Variants in FGF20 observed in about 807,000 individuals in gnomAD.
The protein encoded by FGF20 is fibroblast growth factor 20.
Under a neutral mutation model 16.7 loss-of-function variants are expected in FGF20, and 8 were observed. The observed-to-expected ratio is 0.48, with a 90% CI of 0.28 to 0.87. The LOEUF (loss-of-function observed/expected upper bound fraction) is 0.87, where lower values mean the gene tolerates loss of function less well. Ranked by LOEUF, FGF20 falls within the 40% of genes least tolerant of loss-of-function variation. The pLI is 0.10. For synonymous variants in FGF20, 161 were observed against 118.6 expected, an observed-to-expected ratio of 1.36 and a Z score of -2.32; for missense variants, 397 against 281.4, an observed-to-expected ratio of 1.41 and a Z score of -2.94.
In FGF20 at chr8:17,002,240, G is replaced by T; in HGVS notation, c.-208C>A. 1 of 488,924 alleles carries T rather than the reference G, an allele frequency of 2.0e-6. No individual in the cohort carries two copies. Among genetic ancestry groups the T allele is most frequent in the Non-Finnish European group, 3.4e-6 (1 of 290,250 alleles). The allele number at this position is 488,924 out of a possible 1,614,324, so 30.3% of individuals were successfully genotyped here. On this transcript the variant is annotated 5_prime_UTR_variant, in exon 1 of 3. Transcript: ENST00000180166. Reference sequence around the variant, plus strand: ...GCGATCTTCTCTCCTTGGGTAGGTGGGAGCCGGCTGCTGGCTCTGCAGAAA... The same window carrying T: ...GCGATCTTCTCTCCTTGGGTAGGTGTGAGCCGGCTGCTGGCTCTGCAGAAA...
intron 1 of FGF20, among the ~76,000 whole-genome samples, chr8:16,997,180 C>T (rs1810074728): frequency 6.6e-6 from 1 of 152,164 alleles, no homozygotes; most frequent in South Asian, 2.1e-4. Context: ...TAACACCTCC[C>T]TCTGGATCAC....
Position 17,002,050 on chromosome 8 carries a change from A to G in FGF20, c.-18T>C. The G allele has an allele frequency of 6.5e-7, 1 of 1,526,880 alleles. No homozygotes were observed. Among genetic ancestry groups the G allele is most frequent in the South Asian group, 1.2e-5 (1 of 81,444 alleles). The allele number at this position is 1,526,880 out of a possible 1,614,324, so 94.6% of individuals were successfully genotyped here. On this transcript the variant is annotated 5_prime_UTR_variant, in exon 1 of 3. Transcript: ENST00000180166. ...GGAGCCATGGAGGGGGAGATCCGGA[A>G]CACAAAAGACCCCCCCAGTAAAGAG... is the stretch of plus-strand genomic sequence containing the variant.
At chr8:16,993,711 T>A (rs1809974420) in intron 2 of FGF20, among the ~76,000 whole-genome samples, 1 of 152,162 alleles carries the variant, frequency 6.6e-6, no homozygotes, top group Non-Finnish European at 1.5e-5. Context: ...ATAGAATCAG[T>A]GGGAGCCCTG....
At chr8:16,998,625 C>G (rs1234524469) in intron 1 of FGF20, among the ~76,000 whole-genome samples, 1 of 152,112 alleles carries the variant, frequency 6.6e-6, no homozygotes, top group Non-Finnish European at 1.5e-5. Context: ...GTATCACCTT[C>G]AAAGCCAGTC....
In FGF20 at chr8:16,995,740, C is replaced by G; in HGVS notation, c.305G>C (p.Ser102Thr). 6.3e-7 allele frequency: 1 copy of G among 1,598,528 alleles called. No individual in the cohort carries two copies. Among genetic ancestry groups the G allele is most frequent in the Non-Finnish European group, 8.6e-7 (1 of 1,168,602 alleles). The change falls in exon 2 of 3, where the codon AGT becomes ACT. Residue 102 changes from serine to threonine, a missense_variant. Ser to Thr is a moderately conservative substitution (Grantham distance 58). Transcript: ENST00000180166. ...AATACTGACCAGTCCCACTGCCACACTGATGAATTCCAAGATACCTGCATA... is the reference window on the plus strand; with the variant it reads ...AATACTGACCAGTCCCACTGCCACAGTGATGAATTCCAAGATACCTGCATA... ...HSLFGILEFI[S>T]VAVGLVSIRG...
chr8:16,995,301 C>G (rs17550199), intron 2 of FGF20, among the ~76,000 whole-genome samples: 1 of 152,026 alleles, frequency 6.6e-6, no homozygotes, highest in South Asian at 2.1e-4. Flanking sequence ...GAAAGTTTAC[C>G]TTAAATAAAC....
At position 17,000,420 on chromosome 8, in the gene FGF20, C is replaced by G. The variant is rs146779522; in HGVS notation, c.286+1327G>C. ...CACTTCTCCAAAGTTTTAATGAGTC[C>G]TACAAGTCAAAAAGGGAATAATTAT... On this transcript the variant is annotated intron_variant, in intron 1 of 2. Coordinates refer to ENST00000180166, the MANE Select transcript of FGF20 (RefSeq NM_019851.3). Among the ~76,000 whole-genome samples, 190 of 152,042 alleles carry G rather than the reference C, an allele frequency of 1.2e-3. 1 individual carries two copies. Among genetic ancestry groups the G allele is most frequent in the African/African-American group, 4.4e-3 (181 of 41,488 alleles).
At position 17,002,113 on chromosome 8, in the gene FGF20, T is replaced by C; in HGVS notation, c.-81A>G. On this transcript the variant is annotated 5_prime_UTR_variant, in exon 1 of 3. The change creates a new upstream start codon in the 5' untranslated region. Transcript: ENST00000180166. ...GGGATGGAGGTGGATAGAGAAAAAT[T>C]ATAGCAAAACGAGCGCAAAAAGTTA... 7.1e-7 allele frequency: 1 copy of C among 1,400,766 alleles called. No homozygotes were observed. Among genetic ancestry groups the C allele is most frequent in the African/African-American group, 1.5e-5 (1 of 65,280 alleles). The allele number at this position is 1,400,766 out of a possible 1,614,324, so 86.8% of individuals were successfully genotyped here. A position where few individuals can be genotyped will look rare whatever the true frequency, so the allele number is the denominator to read the frequency against.
Position 16,993,159 on chromosome 8 carries a change from C to A in FGF20, c.549G>T (p.Arg183Ser), listed in dbSNP as rs767173525. ...GTAAGAAATGTGTAAATTTCTGATG[C>A]CTCTTGGACCTGGCGCCATCTCTTG... Reference protein sequence around the residue: ...GTPRDGARSKRHQKFTHFLPR... With the variant: ...GTPRDGARSKSHQKFTHFLPR... The change falls in exon 3 of 3, where the codon AGG becomes AGT. Residue 183 changes from arginine (R) to serine (S), a missense_variant. Coordinates refer to ENST00000180166, the MANE Select transcript of FGF20 (RefSeq NM_019851.3). 15 of 1,614,036 alleles carry A rather than the reference C, an allele frequency of 9.3e-6. No homozygotes were observed. The South Asian group carries it at 1.6e-4, about 18-fold the overall frequency.
chr8:17,001,900 C>G lies in FGF20; in HGVS notation c.133G>C (p.Glu45Gln). 2.0e-6 allele frequency: 3 copies of G among 1,466,014 alleles called. No homozygotes were observed. The highest frequency in any genetic ancestry group is 2.1e-4 in the Middle Eastern group (1 of 4,784). 90.8% of individuals were successfully genotyped at this position (1,466,014 alleles called of 1,614,324 possible). The change falls in exon 1 of 3, where the codon GAG becomes CAG. Residue 45 changes from glutamate (E) to glutamine (Q), a missense_variant. Glu to Gln is a conservative substitution (Grantham distance 29, BLOSUM62 2). Coordinates refer to ENST00000180166, the MANE Select transcript of FGF20 (RefSeq NM_019851.3). The part of the protein sequence containing the change: ...PLLGERRSAA[E>Q]RSARGGPGAA... ...CCCGGCCCGCCGCGCGCGCTCCGCTCCGCCGCGCTCCTGCGCTCGCCCAGC... is the reference window on the plus strand; with the variant it reads ...CCCGGCCCGCCGCGCGCGCTCCGCTGCGCCGCGCTCCTGCGCTCGCCCAGC...
rs1198587159 is a variant in FGF20 at position 16,993,033 on chromosome 8, G to A, written c.*39C>T. ...GATGGGAACTATGACAAGAAAGAAT[G>A]GTTGTGGTTTGACTCTTCCATAATG... On this transcript the variant is annotated 3_prime_UTR_variant, in exon 3 of 3. Coordinates refer to ENST00000180166, the MANE Select transcript of FGF20 (RefSeq NM_019851.3). 6.3e-7 allele frequency: 1 copy of A among 1,591,750 alleles called. No individual in the cohort carries two copies. The highest frequency in any genetic ancestry group is 1.4e-5 in the African/African-American group (1 of 73,860).
rs1721100 is a variant in FGF20, at chr8:16,992,989, C to G, written c.*83G>C. On this transcript the variant is annotated 3_prime_UTR_variant, in exon 3 of 3. Transcript: ENST00000180166. ...ATAGACTTTAATATTTTGAACGTCT[C>G]CTTGGGTCATTATTTTATGATGGGA... 1,019,533 of 1,483,902 alleles carry G rather than the reference C, an allele frequency of 0.69. 353,659 individuals carry two copies. Among genetic ancestry groups the G allele is most frequent in the Middle Eastern group, 0.75 (4,217 of 5,600 alleles). 91.9% of individuals were successfully genotyped at this position (1,483,902 alleles called of 1,614,324 possible). A position where few individuals can be genotyped will look rare whatever the true frequency, so the allele number is the denominator to read the frequency against.
chr8:16,997,342 G>C (rs1206117689), intron 1 of FGF20, among the ~76,000 whole-genome samples: 1 of 152,084 alleles, frequency 6.6e-6, no homozygotes, highest in African/African-American at 2.4e-5. Context: ...CCCATCCTGA[G>C]CTCTACAAAC....
intron 2 of FGF20, among the ~76,000 whole-genome samples, chr8:16,994,785 AG>A (rs1325062868): frequency 6.6e-6 from 1 of 152,216 alleles, no homozygotes; most frequent in African/African-American, 2.4e-5. Context: ...CCTCAAGAAA[AG>A]AGTTCACATA....
At chr8:16,995,583 AT>A in intron 2 of FGF20, 71 bp downstream of exon 2, 3 of 621,016 alleles carry the variant, frequency 4.8e-6, no homozygotes, top group Non-Finnish European at 2.6e-6. Context: ...CTTGGTAGAC[AT>A]TTTAATTACA....
chr8:16,993,331 G>A lies in FGF20; in HGVS notation c.391-14C>T. Reference sequence around the variant, plus strand: ...AGTAAGTTTCTCCTGAAAGAGAGAAGATAACTATTATTTTTTAAAAAAATA... The same window carrying A: ...AGTAAGTTTCTCCTGAAAGAGAGAAAATAACTATTATTTTTTAAAAAAATA... On this transcript the variant is annotated splice_polypyrimidine_tract_variant and intron_variant, in intron 2 of 2. Coordinates refer to ENST00000180166, the MANE Select transcript of FGF20 (RefSeq NM_019851.3). 6.3e-7 allele frequency: 1 copy of A among 1,580,494 alleles called. No homozygotes were observed. The highest frequency in any genetic ancestry group is 2.3e-5 in the East Asian group (1 of 44,292).
chr8:17,001,860 G>A lies in FGF20; in HGVS notation c.173C>T (p.Ala58Val), dbSNP rs776625873. ...ARGGPGAAQL[A>V]HLHGILRRRQ... ...GCGGCGCAGGATGCCGTGCAGGTGC[G>A]CCAGCTGCGCAGCCCCCGGCCCGCC... The change falls in exon 1 of 3, where the codon GCG becomes GTG. Residue 58 changes from alanine to valine, a missense_variant. Physicochemically the swap from Ala to Val is moderately conservative, Grantham distance 64. Coordinates refer to ENST00000180166, the MANE Select transcript of FGF20 (RefSeq NM_019851.3). 12 of 1,484,474 alleles carry A rather than the reference G, an allele frequency of 8.1e-6. No homozygotes were observed. The highest frequency in any genetic ancestry group is 2.3e-4 in the Middle Eastern group (1 of 4,362). The allele number at this position is 1,484,474 out of a possible 1,614,324, so 92.0% of individuals were successfully genotyped here. A position where few individuals can be genotyped will look rare whatever the true frequency, so the allele number is the denominator to read the frequency against.
Position 17,002,144 on chromosome 8 carries a change from C to G in FGF20, c.-112G>C, listed in dbSNP as rs571556080. On this transcript the variant is annotated 5_prime_UTR_variant, in exon 1 of 3. Coordinates refer to ENST00000180166, the MANE Select transcript of FGF20 (RefSeq NM_019851.3). ...AAAACGAGCGCAAAAAGTTAAGGCC[C>G]GGTTACTCCTCTGAGGTCGCTCCGG... 40 of 1,152,166 alleles carry G rather than the reference C, an allele frequency of 3.5e-5. No homozygotes were observed. The East Asian group carries it at 1.1e-3, about 31-fold the overall frequency. The allele number at this position is 1,152,166 out of a possible 1,614,324, so 71.4% of individuals were successfully genotyped here.
chr8:16,994,264 C>A (rs1380639739), intron 2 of FGF20, among the ~76,000 whole-genome samples: 3 of 152,152 alleles, frequency 2.0e-5, no homozygotes, highest in Non-Finnish European at 4.4e-5. Context: ...TTGCTAAGAA[C>A]CAAATTCCAA....
Sources: gnomAD v4.1 joint callset for allele counts (sites outside exome capture counted in the v4.1 genomes callset) on GRCh38, gnomAD v4.1.1 for gene constraint, MANE v1.5 for transcripts, NCBI Gene and HGNC (gene_info 2026-07-23, HGNC 2026-07-21) for gene names.